The following DPP10 variants were observed in gnomAD, a reference collection of about 807,000 sequenced individuals.
DPP10 encodes inactive dipeptidyl peptidase 10.
In DPP10, 33 loss-of-function variants were observed where a neutral mutation model predicts 120.9. The observed-to-expected ratio is 0.27, with a 90% CI of 0.21 to 0.37. The LOEUF (loss-of-function observed/expected upper bound fraction) is 0.37, where lower values mean the gene tolerates loss of function less well. Ranked by LOEUF, DPP10 falls within the 10% of genes least tolerant of loss-of-function variation. The pLI is 1.00. For missense variants in DPP10, 816 were observed against 942.8 expected (o/e 0.87, Z 1.76); for synonymous variants, 337 against 326.1 (o/e 1.03, Z -0.36).
intron 1 of DPP10, among the ~76,000 whole-genome samples, chr2:115,135,980 T>C (rs9677654): frequency 0.018 from 2,742 of 152,298 alleles, 45 homozygotes; most frequent in African/African-American, 0.036. Context: ...TATTGTCATT[T>C]AGAATCTTCT....
intron 1 of DPP10, among the ~76,000 whole-genome samples, chr2:114,768,144 A>C (rs1429534089): frequency 6.6e-6 from 1 of 151,316 alleles, no homozygotes; most frequent in Non-Finnish European, 1.5e-5. Context: ...AAAAAAAAAA[A>C]AAGTTCTCAG....
chr2:115,571,963 C>A (rs1160114032), intron 5 of DPP10, among the ~76,000 whole-genome samples: 1 of 151,938 alleles, frequency 6.6e-6, no homozygotes, highest in Non-Finnish European at 1.5e-5. Flanking sequence ...TTCTATTGAA[C>A]AATTACATCA....
intron 20 of DPP10, 81 bp from the exon 21 acceptor site, chr2:115,815,594 G>C: frequency 8.1e-7 from 1 of 1,227,194 alleles, no homozygotes; most frequent in African/African-American, 1.5e-5. Flanking sequence ...CTATTGTTTT[G>C]TATGTATGCA....
In DPP10 at chr2:115,746,270, C is replaced by G. The variant is rs1032141540; in HGVS notation, c.950+87C>G. 4.4e-6 allele frequency: 5 copies of G among 1,142,996 alleles called. No homozygotes were observed. In the African/African-American group the frequency reaches 7.8e-5, roughly 18 times the overall value. 70.8% of individuals were successfully genotyped at this position (1,142,996 alleles called of 1,614,324 possible). On this transcript the variant is annotated intron_variant, in intron 10 of 25. Transcript: ENST00000410059. ...GTTGCAATTTAGAGAGAGATGTGAT[C>G]AGCTCAACAAATCCACTTGAAAATA...
At chr2:114,831,366 A>G (rs181685371) in intron 1 of DPP10, among the ~76,000 whole-genome samples, 104 of 152,266 alleles carry the variant, frequency 6.8e-4, no homozygotes, top group African/African-American at 2.4e-3. Flanking sequence ...AGTATTTCAC[A>G]TTTATGAACA....
intron 2 of DPP10, among the ~76,000 whole-genome samples, chr2:115,313,198 G>C (rs578166804): frequency 3.9e-5 from 6 of 152,144 alleles, no homozygotes; most frequent in African/African-American, 1.4e-4. Flanking sequence ...ACTTCAGCCT[G>C]GTGACAGAAC....
At chr2:114,670,123 G>T (rs1698219550) in intron 1 of DPP10, among the ~76,000 whole-genome samples, 1 of 152,106 alleles carries the variant, frequency 6.6e-6, no homozygotes, top group African/African-American at 2.4e-5. Context: ...GATTCCTCAG[G>T]GATCTAGAAC....
intron 1 of DPP10, among the ~76,000 whole-genome samples, chr2:114,732,995 C>G (rs1677063435): frequency 6.6e-6 from 1 of 152,166 alleles, no homozygotes; most frequent in Non-Finnish European, 1.5e-5. Context: ...CCACTGCTGC[C>G]TTCAAGCTAG....
intron 1 of DPP10, among the ~76,000 whole-genome samples, chr2:114,651,877 C>T (rs995682598): frequency 1.3e-4 from 20 of 152,106 alleles, no homozygotes; most frequent in African/African-American, 4.3e-4. Context: ...ATGTCATAAC[C>T]TCCTGAGGCA....
chr2:115,819,120 G>T (rs1687557103), intron 21 of DPP10, among the ~76,000 whole-genome samples: 1 of 152,130 alleles, frequency 6.6e-6, no homozygotes, highest in Non-Finnish European at 1.5e-5. Context: ...TTGCTATACT[G>T]ATTCCCTGGA....
chr2:115,232,510 GA>G (rs1483169712), intron 1 of DPP10, among the ~76,000 whole-genome samples: 6 of 152,062 alleles, frequency 3.9e-5, no homozygotes, highest in Non-Finnish European at 8.8e-5. Context: ...CTTCAGTTTT[GA>G]TTTCACTACT....
At chr2:114,662,963 T>A (rs1473640777) in intron 1 of DPP10, among the ~76,000 whole-genome samples, 1 of 152,198 alleles carries the variant, frequency 6.6e-6, no homozygotes, top group Non-Finnish European at 1.5e-5. Context: ...TCAGTTTAGC[T>A]ACTGTTCATT....
chr2:115,230,135 G>T (rs2057665332), intron 1 of DPP10, among the ~76,000 whole-genome samples: 1 of 151,576 alleles, frequency 6.6e-6, no homozygotes, highest in Non-Finnish European at 1.5e-5. Context: ...GAAATTGTTT[G>T]TTCTTTTTGT....
intron 1 of DPP10, among the ~76,000 whole-genome samples, chr2:115,098,088 G>A (rs1384918451): frequency 6.6e-6 from 1 of 152,148 alleles, no homozygotes; most frequent in African/African-American, 2.4e-5. Flanking sequence ...ACTTTCCCCA[G>A]AGGAGTAGGC....
At chr2:115,006,613 G>C (rs1226034986) in intron 1 of DPP10, among the ~76,000 whole-genome samples, 1 of 146,990 alleles carries the variant, frequency 6.8e-6, no homozygotes, top group Non-Finnish European at 1.5e-5. Context: ...GATCAAAAGA[G>C]ACAAAGAAGG....
At chr2:115,379,232 C>G (rs2066081089) in intron 3 of DPP10, among the ~76,000 whole-genome samples, 1 of 152,106 alleles carries the variant, frequency 6.6e-6, no homozygotes, top group Non-Finnish European at 1.5e-5. Context: ...ATTTCAGATC[C>G]TGTTATTGGT....
intron 1 of DPP10, among the ~76,000 whole-genome samples, chr2:114,627,636 A>G (rs1207378971): frequency 6.6e-6 from 1 of 152,116 alleles, no homozygotes; most frequent in Admixed American, 6.6e-5. Context: ...GAGCGGAAGT[A>G]AAAACAGAAG....
chr2:115,441,116 A>G (rs913953473), intron 3 of DPP10, among the ~76,000 whole-genome samples: 8 of 152,236 alleles, frequency 5.3e-5, no homozygotes, highest in African/African-American at 1.4e-4. Flanking sequence ...TAGAGTAAAA[A>G]CAAGGTTAGG....
chr2:114,712,184 A>T (rs111569185), intron 1 of DPP10, among the ~76,000 whole-genome samples: 2 of 151,962 alleles, frequency 1.3e-5, no homozygotes, highest in Non-Finnish European at 2.9e-5. Context: ...GCTGGGCGTG[A>T]TGGTGCATGC....
Sources: allele counts gnomAD v4.1 joint callset (sites outside exome capture counted in the v4.1 genomes callset), GRCh38; gene constraint gnomAD v4.1.1; transcripts MANE v1.5; gene names NCBI Gene and HGNC (gene_info 2026-07-23, HGNC 2026-07-21).